Variants in TBC1D5 observed in about 807,000 individuals in gnomAD.
The protein encoded by TBC1D5 is TBC1 domain family, member 5.
In TBC1D5, 75 loss-of-function variants were observed where a neutral mutation model predicts 100.3. That is an observed-to-expected ratio of 0.75 (90% confidence interval 0.62 to 0.91). The LOEUF is 0.91. Among genes scored for constraint, TBC1D5 ranks in the 40% least tolerant of loss-of-function variants. The pLI, the probability that TBC1D5 is intolerant of heterozygous loss-of-function variation, is 0.00. For missense variants in TBC1D5, 910 were observed against 942.4 expected, an observed-to-expected ratio of 0.97 and a Z score of 0.45; for synonymous variants, 323 against 325.6, an observed-to-expected ratio of 0.99 and a Z score of 0.09.
chr3:17,335,730 A>G (rs1163578390), intron 13 of TBC1D5, among the ~76,000 whole-genome samples: 1 of 152,074 alleles, frequency 6.6e-6, no homozygotes, highest in Non-Finnish European at 1.5e-5. Context: ...CAGAATATCA[A>G]ATTACTCAGG....
chr3:17,660,164 C>A (rs532418543), intron 1 of TBC1D5, among the ~76,000 whole-genome samples: 5 of 152,170 alleles, frequency 3.3e-5, no homozygotes, highest in Non-Finnish European at 7.4e-5. Context: ...CTTTCCCCAA[C>A]ATGATTTTCA....
chr3:17,708,116 T>G (rs2074361994), intron 1 of TBC1D5, among the ~76,000 whole-genome samples: 1 of 152,234 alleles, frequency 6.6e-6, no homozygotes, highest in Admixed American at 6.5e-5. Flanking sequence ...TAGCAACCAC[T>G]ATCATGAAAT....
chr3:17,722,410 C>A (rs1380398736), intron 1 of TBC1D5, among the ~76,000 whole-genome samples: 2 of 152,004 alleles, frequency 1.3e-5, no homozygotes, highest in Non-Finnish European at 1.5e-5. Context: ...ATGTACATAG[C>A]CTTAAGGTAA....
At chr3:17,738,091 T>C (rs939050322) in intron 1 of TBC1D5, among the ~76,000 whole-genome samples, 44 of 152,214 alleles carry the variant, frequency 2.9e-4, no homozygotes, top group African/African-American at 1.1e-3. Context: ...ACATGTTTTT[T>C]TCTACAGCCC....
intron 13 of TBC1D5, among the ~76,000 whole-genome samples, chr3:17,319,330 T>C (rs1277326837): frequency 1.3e-5 from 2 of 152,330 alleles, no homozygotes; most frequent in East Asian, 1.9e-4. Flanking sequence ...CACTGCTCTC[T>C]GACCATAGCC....
intron 2 of TBC1D5, among the ~76,000 whole-genome samples, chr3:17,611,770 T>C (rs777639441): frequency 4.3e-4 from 66 of 152,146 alleles, no homozygotes; most frequent in Non-Finnish European, 8.4e-4. Flanking sequence ...TCAAAAAAGT[T>C]GCCTGTAAAA....
intron 1 of TBC1D5, chr3:17,706,069 C>G (rs531821170): frequency 1.7e-5 from 27 of 1,599,220 alleles, no homozygotes; most frequent in Admixed American, 8.6e-5. Context: ...TGATTTCCCC[C>G]GACCCCAGAC....
chr3:17,489,314 C>A (rs1012879323), intron 3 of TBC1D5, among the ~76,000 whole-genome samples: 2 of 152,112 alleles, frequency 1.3e-5, no homozygotes, highest in African/African-American at 4.8e-5. Flanking sequence ...TGACTCATCT[C>A]ATCTATGAAT....
At chr3:17,718,446 A>T (rs1342339447) in intron 1 of TBC1D5, among the ~76,000 whole-genome samples, 1 of 152,104 alleles carries the variant, frequency 6.6e-6, no homozygotes, top group African/African-American at 2.4e-5. Context: ...AAATACAAAA[A>T]AATTAGCAGG....
intron 1 of TBC1D5, among the ~76,000 whole-genome samples, chr3:17,630,962 T>A (rs571494959): frequency 4.5e-4 from 65 of 144,478 alleles, no homozygotes; most frequent in African/African-American, 1.6e-3. Flanking sequence ...GAGAATGGTG[T>A]GAACCCGGGA....
chr3:17,435,910 C>CTA (rs1238330891), intron 3 of TBC1D5, among the ~76,000 whole-genome samples: 2 of 152,182 alleles, frequency 1.3e-5, no homozygotes, highest in Non-Finnish European at 2.9e-5. Context: ...AAGCTGATCA[C>CTA]TATATGAGGA....
intron 2 of TBC1D5, among the ~76,000 whole-genome samples, chr3:17,621,967 GT>G (rs1045335627): frequency 1.6e-4 from 24 of 152,250 alleles, no homozygotes; most frequent in African/African-American, 5.5e-4. Flanking sequence ...AGAACAGTCA[GT>G]TTTCTTCCTT....
chr3:17,211,358 G>A (rs1013565104), intron 18 of TBC1D5, among the ~76,000 whole-genome samples: 2 of 152,212 alleles, frequency 1.3e-5, no homozygotes, highest in African/African-American at 2.4e-5. Flanking sequence ...AGCAAGTGGC[G>A]GAGGCCTGGG....
intron 1 of TBC1D5, among the ~76,000 whole-genome samples, chr3:17,646,360 G>C (rs1348586035): frequency 6.6e-6 from 1 of 152,018 alleles, no homozygotes; most frequent in Non-Finnish European, 1.5e-5. Context: ...TAGCCACTCA[G>C]TTTTTGGTTC....
chr3:17,437,755 G>T (rs1320478181), intron 3 of TBC1D5, among the ~76,000 whole-genome samples: 1 of 151,960 alleles, frequency 6.6e-6, no homozygotes, highest in Non-Finnish European at 1.5e-5. Context: ...ATATTTGTGG[G>T]TGAGGCCTAG....
At chr3:17,450,394 T>C (rs2094898287) in intron 3 of TBC1D5, among the ~76,000 whole-genome samples, 1 of 152,136 alleles carries the variant, frequency 6.6e-6, no homozygotes, top group South Asian at 2.1e-4. Context: ...TTTGATGAAT[T>C]ACAGAAGTAG....
intron 17 of TBC1D5, among the ~76,000 whole-genome samples, chr3:17,220,264 A>G (rs1449885): frequency 0.52 from 79,374 of 151,922 alleles, 22,197 homozygotes; most frequent in African/African-American, 0.73. Context: ...CAATTTATAA[A>G]TCTGTTGCAA....
chr3:17,502,595 C>A lies in TBC1D5; in HGVS notation c.97+5879G>T, dbSNP rs928718798. 1.1e-4 allele frequency among the ~76,000 whole-genome samples: 16 copies of A among 149,408 alleles called. 2 individuals carry two copies. The highest frequency in any genetic ancestry group is 3.8e-4 in the African/African-American group (15 of 39,274). On this transcript the variant is annotated intron_variant, in intron 3 of 21. Coordinates refer to ENST00000253692, the Ensembl canonical transcript of TBC1D5. ...TGCTACCATACTTAAGCTGACAAAT[C>A]TTTATCTTCCAGCCCAATTCTAAGT...
chr3:17,724,526 G>A (rs1338352320), intron 1 of TBC1D5, among the ~76,000 whole-genome samples: 2 of 151,964 alleles, frequency 1.3e-5, no homozygotes, highest in African/African-American at 2.4e-5. Flanking sequence ...TTATTCTCTG[G>A]CAACTTTTAA....
Sources: gnomAD v4.1 joint callset for allele counts (sites outside exome capture counted in the v4.1 genomes callset) on GRCh38, gnomAD v4.1.1 for gene constraint, MANE v1.5 for transcripts, NCBI Gene and HGNC (gene_info 2026-07-23, HGNC 2026-07-21) for gene names.